TP63: variants seen among roughly 807,000 people sequenced by gnomAD.
TP63 encodes tumor protein p63, also known as tumor protein 63.
In TP63, 17 loss-of-function variants were observed where a neutral mutation model predicts 82.8. The observed-to-expected ratio is 0.21, with a 90% CI of 0.14 to 0.31. The LOEUF is 0.31. Among genes scored for constraint, TP63 ranks in the 10% least tolerant of loss-of-function variants. The pLI is 1.00. For synonymous variants in TP63, 330 were observed against 321.7 expected, an observed-to-expected ratio of 1.03 and a Z score of -0.28; for missense variants, 648 against 895.3, an observed-to-expected ratio of 0.72 and a Z score of 3.52.
chr3:189,672,965 C>T (rs537239972), intron 1 of TP63, among the ~76,000 whole-genome samples: 10 of 152,136 alleles, frequency 6.6e-5, no homozygotes, highest in South Asian at 4.2e-4. Context: ...CTCAGCCTCC[C>T]GAGTAGCTGG....
intron 1 of TP63, among the ~76,000 whole-genome samples, chr3:189,716,957 C>G (rs1719011421): frequency 6.6e-6 from 1 of 152,124 alleles, no homozygotes; most frequent in Non-Finnish European, 1.5e-5. Context: ...TGCCACCGCA[C>G]CCAGCTAATT....
At chr3:189,848,000 C>T (rs1026908599) in intron 4 of TP63, among the ~76,000 whole-genome samples, 1 of 152,128 alleles carries the variant, frequency 6.6e-6, no homozygotes, top group Non-Finnish European at 1.5e-5. Flanking sequence ...ACACCAGTTC[C>T]ACTTTGGCCT....
intron 4 of TP63, among the ~76,000 whole-genome samples, chr3:189,849,723 C>T (rs534585970): frequency 1.3e-5 from 2 of 151,820 alleles, no homozygotes; most frequent in African/African-American, 2.4e-5. Context: ...TAAGGTTTAC[C>T]GTTGGTTCCC....
At chr3:189,779,048 T>A (rs1365936745) in intron 3 of TP63, among the ~76,000 whole-genome samples, 2 of 152,162 alleles carry the variant, frequency 1.3e-5, no homozygotes, top group African/African-American at 4.8e-5. Context: ...TTTCTTTTTG[T>A]GATTTAAATA....
chr3:189,872,540 AG>A (rs1320406501), intron 9 of TP63, among the ~76,000 whole-genome samples: 1 of 152,126 alleles, frequency 6.6e-6, no homozygotes, highest in African/African-American at 2.4e-5. Flanking sequence ...ACCAATGAAA[AG>A]CACAAAAATG....
chr3:189,677,824 T>C (rs936999135), intron 1 of TP63, among the ~76,000 whole-genome samples: 1 of 152,178 alleles, frequency 6.6e-6, no homozygotes, highest in African/African-American at 2.4e-5. Flanking sequence ...ATTGTGGTTT[T>C]CATTTGCATT....
intron 5 of TP63, among the ~76,000 whole-genome samples, chr3:189,865,579 TATAAG>T (rs1256303531): frequency 6.6e-6 from 1 of 152,070 alleles, no homozygotes; most frequent in African/African-American, 2.4e-5. Context: ...AATATTAAAA[TATAAG>T]GATTGATAAA....
intron 3 of TP63, among the ~76,000 whole-genome samples, chr3:189,786,673 G>A (rs957971560): frequency 6.6e-6 from 1 of 151,948 alleles, no homozygotes; most frequent in Non-Finnish European, 1.5e-5. Flanking sequence ...TTTTACCCAG[G>A]GGGCAGCGTG....
chr3:189,737,711 A>G, intron 1 of TP63, 29 bp from the exon 2 acceptor site: 1 of 1,610,688 alleles, frequency 6.2e-7, no homozygotes, highest in Non-Finnish European at 8.5e-7. Flanking sequence ...CAGAAAGTAT[A>G]ATACTAGTTT....
intron 4 of TP63, among the ~76,000 whole-genome samples, chr3:189,855,839 T>C (rs1577113576): frequency 6.6e-6 from 1 of 152,036 alleles, no homozygotes; most frequent in Non-Finnish European, 1.5e-5. Context: ...TTGACAATGA[T>C]GAAATATTAA....
chr3:189,741,036 A>G lies in TP63; in HGVS notation c.324+2262A>G, dbSNP rs185735156. On this transcript the variant is annotated intron_variant, in intron 3 of 13. Transcript: ENST00000264731. ...AAGGTACATAGTAGGTCCCCATAGT[A>G]GGAGATTCGGAGAGAGCTAAAAGAC... 1.6e-3 allele frequency among the ~76,000 whole-genome samples: 251 copies of G among 152,300 alleles called. 1 individual carries two copies. The highest frequency in any genetic ancestry group is 6.0e-3 in the African/African-American group (248 of 41,560).
chr3:189,745,469 G>A (rs1358828592), intron 3 of TP63, among the ~76,000 whole-genome samples: 1 of 152,086 alleles, frequency 6.6e-6, no homozygotes, highest in African/African-American at 2.4e-5. Flanking sequence ...AGAACTTCGG[G>A]AGGCTGAGGC....
chr3:189,623,647 A>T, the TP63 span, among the ~76,000 whole-genome samples: 1 of 152,212 alleles, frequency 6.6e-6, no homozygotes, highest in Non-Finnish European at 1.5e-5. Context: ...CTAAAAGAAT[A>T]TTCATGTTGA....
At chr3:189,629,392 A>G (rs1206774509), upstream of TP63, among the ~76,000 whole-genome samples, 1 of 152,096 alleles carries the variant, frequency 6.6e-6, no homozygotes, top group African/African-American at 2.4e-5. Flanking sequence ...CAAAAATAAT[A>G]AATAAATAAA....
At chr3:189,865,802 T>C (rs535557361) in intron 5 of TP63, among the ~76,000 whole-genome samples, 1 of 152,364 alleles carries the variant, frequency 6.6e-6, no homozygotes, top group South Asian at 2.1e-4. Context: ...GCAATATAGA[T>C]AGACTTCATT....
rs190960055 is a variant in TP63 at position 189,723,824 on chromosome 3, A to G, written c.63-13916A>G. ...GTTGAACATATACTTGTTAGATAGC[A>G]TTTTATGTTTCTTTTTGTATTGGAA... On this transcript the variant is annotated intron_variant, in intron 1 of 13. Coordinates refer to ENST00000264731, the MANE Select transcript of TP63 (RefSeq NM_003722.5). Among the ~76,000 whole-genome samples, 60 of 152,308 alleles carry G rather than the reference A, an allele frequency of 3.9e-4. 2 individuals are homozygous for G. Among genetic ancestry groups the G allele is most frequent in the Admixed American group, 3.1e-3 (48 of 15,296 alleles).
intron 3 of TP63, among the ~76,000 whole-genome samples, chr3:189,742,807 G>C (rs1033469294): frequency 6.6e-6 from 1 of 152,182 alleles, no homozygotes; most frequent in Non-Finnish European, 1.5e-5. Flanking sequence ...AAAGTAGTTA[G>C]ATATATGTGT....
rs199834330 is a variant in TP63 at position 189,896,820 on chromosome 3, G to A, written c.*2318G>A. ...AGTGTATGAGTAGCCAGGGTAAGGG[G>A]TAAAAGGATAGTAAGCATAGAAACC... On this transcript the variant is annotated 3_prime_UTR_variant, in exon 14 of 14. Transcript: ENST00000264731. 2.3e-4 allele frequency: 48 copies of A among 210,640 alleles called. No homozygotes were observed. In the East Asian group the frequency reaches 3.5e-3, roughly 15 times the overall value. The allele number at this position is 210,640 out of a possible 1,614,324, so 13.0% of individuals were successfully genotyped here. A position where few individuals can be genotyped will look rare whatever the true frequency, so the allele number is the denominator to read the frequency against.
chr3:189,747,968 G>A (rs1477712657), intron 3 of TP63, among the ~76,000 whole-genome samples: 1 of 152,104 alleles, frequency 6.6e-6, no homozygotes, highest in East Asian at 1.9e-4. Context: ...AAATTGACAC[G>A]TTCCTGGACA....
Sources: gnomAD v4.1 joint callset for allele counts (sites outside exome capture counted in the v4.1 genomes callset) on GRCh38, gnomAD v4.1.1 for gene constraint, MANE v1.5 for transcripts, NCBI Gene and HGNC (gene_info 2026-07-23, HGNC 2026-07-21) for gene names.